The following SAE1 variants were observed in gnomAD, a reference collection of about 807,000 sequenced individuals.
The protein encoded by SAE1 is SUMO-activating enzyme subunit 1.
A neutral mutation model predicts 40.6 loss-of-function variants in SAE1; 11 were observed. The observed-to-expected ratio is 0.27, with a 90% CI of 0.17 to 0.45. The LOEUF is 0.45. SAE1 is among the 20% of genes least tolerant of loss of function. The probability of loss-of-function intolerance (pLI) is 1.00; values close to 1 mark genes in which losing one functional copy is unlikely to be tolerated. For synonymous variants in SAE1, 155 were observed against 154.3 expected (o/e 1.00, Z -0.03); for missense variants, 373 against 427.3 (o/e 0.87, Z 1.12).
intron 8 of SAE1, 75 bp downstream of exon 8, chr19:47,203,815 T>A: frequency 7.7e-7 from 1 of 1,300,194 alleles, no homozygotes; most frequent in Non-Finnish European, 1.1e-6. Context: ...ATGGAAACTG[T>A]CTTAGACAGC....
chr19:47,137,520 G>A (rs572380647), intron 1 of SAE1, among the ~76,000 whole-genome samples: 3 of 151,848 alleles, frequency 2.0e-5, no homozygotes, highest in East Asian at 1.9e-4. Flanking sequence ...TTTTTTTCTC[G>A]CTCTGTTACC....
intron 6 of SAE1, among the ~76,000 whole-genome samples, chr19:47,182,372 G>A (rs1314405889): frequency 6.6e-6 from 1 of 152,108 alleles, no homozygotes; most frequent in Admixed American, 6.6e-5. Flanking sequence ...AATGGGTTCC[G>A]ATAATGGGGC....
rs374394198 is a variant in SAE1, at chr19:47,138,137, G to T, written c.99-5357G>T. On this transcript the variant is annotated intron_variant, in intron 1 of 8. Transcript: ENST00000270225. The stretch of plus-strand genomic sequence containing the variant: ...AGACTCACTGCAACCTCTGCCTCCC[G>T]GGTTCAGGCAATTCTCCTGCCTCAG... 3.3e-5 allele frequency among the ~76,000 whole-genome samples: 5 copies of T among 152,038 alleles called. No homozygotes were observed. The South Asian group carries it at 1.0e-3, about 32-fold the overall frequency.
chr19:47,168,444 C>CA (rs2058409496), intron 5 of SAE1, among the ~76,000 whole-genome samples: 1 of 152,030 alleles, frequency 6.6e-6, no homozygotes, highest in Admixed American at 6.6e-5. Flanking sequence ...GCTGGTACCA[C>CA]AGGTGCATGC....
intron 1 of SAE1, among the ~76,000 whole-genome samples, chr19:47,133,271 G>A (rs1470423389): frequency 1.3e-5 from 2 of 152,330 alleles, no homozygotes; most frequent in African/African-American, 4.8e-5. Context: ...AGGCTGGAGT[G>A]CAATGGCACG....
chr19:47,183,971 C>A (rs2123283624), intron 6 of SAE1, among the ~76,000 whole-genome samples: 1 of 152,286 alleles, frequency 6.6e-6, no homozygotes, highest in South Asian at 2.1e-4. Flanking sequence ...ATTAGGGGCC[C>A]ATGGAAGTTT....
chr19:47,160,052 A>G (rs1274565344), intron 5 of SAE1, among the ~76,000 whole-genome samples: 5 of 152,178 alleles, frequency 3.3e-5, no homozygotes, highest in Admixed American at 3.3e-4. Context: ...AATGAAATGA[A>G]TTAACCTTCT....
chr19:47,180,082 C>T (rs1037999238), intron 6 of SAE1: 8 of 426,116 alleles, frequency 1.9e-5, no homozygotes, highest in African/African-American at 1.4e-4. Context: ...GTTTCTTATA[C>T]GTAGATGTAG....
chr19:47,209,205 A>G lies in SAE1; in HGVS notation c.995A>G (p.Asp332Gly), dbSNP rs754984525. Reference sequence around the variant, plus strand: ...CCTCACAACAACTTCTTCTTCTTCGATGGCATGAAGGGGAATGGGATTGTG... The same window carrying G: ...CCTCACAACAACTTCTTCTTCTTCGGTGGCATGAAGGGGAATGGGATTGTG... ...DPPHNNFFFFDGMKGNGIVEC... is the reference protein window; with the variant it reads ...DPPHNNFFFFGGMKGNGIVEC... The change falls in exon 9 of 9, where the codon GAT becomes GGT. Residue 332 changes from aspartate to glycine, a missense_variant. By Grantham distance (94) the Asp-to-Gly change is moderately conservative (BLOSUM62 -1). This residue lies in a region of SAE1 where 351 missense variants were observed against 390.6 expected (regional missense o/e 0.90). Coordinates refer to ENST00000270225, the MANE Select transcript of SAE1 (RefSeq NM_005500.3). 1 of 1,613,912 alleles carries G rather than the reference A, an allele frequency of 6.2e-7. No homozygotes were observed. Among genetic ancestry groups the G allele is most frequent in the Non-Finnish European group, 8.5e-7 (1 of 1,179,966 alleles).
At chr19:47,173,937 A>G (rs1488353079) in intron 6 of SAE1, among the ~76,000 whole-genome samples, 1 of 151,962 alleles carries the variant, frequency 6.6e-6, no homozygotes, top group Admixed American at 6.6e-5. Flanking sequence ...GGCGCCTGCC[A>G]CTATGCCTGG....
At chr19:47,181,517 C>T (rs1471539457) in intron 6 of SAE1, among the ~76,000 whole-genome samples, 21 of 119,670 alleles carry the variant, frequency 1.8e-4, no homozygotes, top group African/African-American at 6.4e-4. Context: ...CTCACTCTGT[C>T]GCCCATGCTG....
At chr19:47,191,556 C>A (rs570215692) in intron 6 of SAE1, among the ~76,000 whole-genome samples, 177 of 152,276 alleles carry the variant, frequency 1.2e-3, no homozygotes, top group African/African-American at 3.7e-3. Context: ...GGCCTTGCAG[C>A]AGTCACGTGG....
At chr19:47,191,598 G>A (rs1277782450) in intron 6 of SAE1, among the ~76,000 whole-genome samples, 2 of 152,176 alleles carry the variant, frequency 1.3e-5, no homozygotes, top group African/African-American at 4.8e-5. Context: ...CAGGTGCAAG[G>A]TGATGGACAG....
At chr19:47,195,301 C>T (rs1432829527) in intron 6 of SAE1, among the ~76,000 whole-genome samples, 1 of 152,114 alleles carries the variant, frequency 6.6e-6, no homozygotes, top group African/African-American at 2.4e-5. Flanking sequence ...ATGATCCACC[C>T]GCCTTGGCCT....
chr19:47,144,736 C>T (rs1278413860), intron 2 of SAE1, among the ~76,000 whole-genome samples: 2 of 152,246 alleles, frequency 1.3e-5, no homozygotes, highest in East Asian at 3.9e-4. Context: ...AAACAAACAA[C>T]ACTGGATCAG....
rs551875366 is a variant in SAE1, at chr19:47,188,141, G to A, written c.734-9092G>A. Among the ~76,000 whole-genome samples, 6 of 152,074 alleles carry A rather than the reference G, an allele frequency of 3.9e-5. No homozygotes were observed. In the South Asian group the frequency reaches 8.3e-4, roughly 21 times the overall value. ...AGGCAGGTGGACAACTTGAGCTCAGGAGTTTGAGACCAGCCTGGGCAACAT... is the reference window on the plus strand; with the variant it reads ...AGGCAGGTGGACAACTTGAGCTCAGAAGTTTGAGACCAGCCTGGGCAACAT... On this transcript the variant is annotated intron_variant, in intron 6 of 8. Coordinates refer to ENST00000270225, the MANE Select transcript of SAE1 (RefSeq NM_005500.3).
chr19:47,170,552 G>T (rs920800339), intron 6 of SAE1, among the ~76,000 whole-genome samples: 4 of 145,092 alleles, frequency 2.8e-5, no homozygotes, highest in Non-Finnish European at 4.5e-5. Context: ...TGTCACCCAG[G>T]CTGGAATGCA....
At chr19:47,167,588 T>C (rs569446250) in intron 5 of SAE1, among the ~76,000 whole-genome samples, 1 of 152,284 alleles carries the variant, frequency 6.6e-6, no homozygotes, top group South Asian at 2.1e-4. Flanking sequence ...CTTAGCAAGC[T>C]TTGTAAACTG....
intron 5 of SAE1, among the ~76,000 whole-genome samples, chr19:47,161,330 C>T (rs765001287): frequency 2.6e-5 from 4 of 152,046 alleles, no homozygotes; most frequent in Non-Finnish European, 4.4e-5. Context: ...TTTATTGTGA[C>T]ATTTAATGCA....
Sources: gnomAD v4.1 joint callset for allele counts (sites outside exome capture counted in the v4.1 genomes callset) on GRCh38, gnomAD v4.1.1 for gene constraint, gnomAD v4.1.1 regional missense constraint, MANE v1.5 for transcripts, NCBI Gene and HGNC (gene_info 2026-07-23, HGNC 2026-07-21) for gene names.